Variants in P4HA2 observed in about 807,000 individuals in gnomAD.
P4HA2 encodes prolyl 4-hydroxylase subunit alpha 2.
P4HA2 carries 46 observed loss-of-function variants against 76.9 expected under a neutral mutation model. That is an observed-to-expected ratio of 0.60 (90% CI 0.47 to 0.76). The LOEUF (loss-of-function observed/expected upper bound fraction) is 0.76. Among genes scored for constraint, P4HA2 ranks in the 30% least tolerant of loss-of-function variants. The probability of loss-of-function intolerance (pLI) is 0.00; values close to 1 mark genes in which losing one functional copy is unlikely to be tolerated. For synonymous variants in P4HA2, 243 were observed against 254.0 expected (o/e 0.96, Z 0.41); for missense variants, 583 against 669.4 (o/e 0.87, Z 1.42).
chr5:132,217,661 T>C (rs1252919923), intron 3 of P4HA2, 91 bp downstream of exon 3: 5 of 855,944 alleles, frequency 5.8e-6, no homozygotes, highest in Non-Finnish European at 1.0e-5. Context: ...CTCAAAGGTT[T>C]CCTCTTATAG....
chr5:132,207,989 C>T, intron 7 of P4HA2, 105 bp from the exon 8 acceptor site: 1 of 819,554 alleles, frequency 1.2e-6, no homozygotes, highest in Non-Finnish European at 1.9e-6. Flanking sequence ...AGCAGCTGCT[C>T]CCTCCCACCA....
Position 132,194,990 on chromosome 5 carries a change from C to G in P4HA2, c.1467G>C (p.Arg489=). Residue 489 remains arginine, a synonymous_variant, in exon 14 of 15, where the codon CGG becomes CGC. Transcript: ENST00000360568. Reference sequence around the variant, plus strand: ...TTGTTCGGTAGTCACCTTCCCCGCTCCGCAAGAGGTTGTACCAGAACACAG... The same window carrying G: ...TTGTTCGGTAGTCACCTTCCCCGCTGCGCAAGAGGTTGTACCAGAACACAG... ...GTAVFWYNLL[R]SGEGDYRTRH... is the part of the protein sequence containing the mutation. 1 of 1,613,602 alleles carries G rather than the reference C, an allele frequency of 6.2e-7. No homozygotes were observed. The highest frequency in any genetic ancestry group is 8.5e-7 in the Non-Finnish European group (1 of 1,179,504).
At chr5:132,213,472 G>A (rs539605995) in intron 5 of P4HA2, among the ~76,000 whole-genome samples, 1 of 152,214 alleles carries the variant, frequency 6.6e-6, no homozygotes, top group Admixed American at 6.5e-5. Flanking sequence ...GCCTATATGG[G>A]AGCTCAAGGG....
At chr5:132,217,532 G>C in intron 3 of P4HA2, 184 bp from the exon 4 acceptor site, 3 of 646,730 alleles carry the variant, frequency 4.6e-6, no homozygotes, top group South Asian at 3.8e-5. Context: ...ATAACAGCTG[G>C]GACCCCCAAT....
chr5:132,212,624 C>T (rs1479767056), intron 5 of P4HA2, among the ~76,000 whole-genome samples: 1 of 152,196 alleles, frequency 6.6e-6, no homozygotes, highest in Non-Finnish European at 1.5e-5. Flanking sequence ...TCCGTCTACA[C>T]TGGTTAGAAG....
rs533175803 is a variant in P4HA2, at chr5:132,196,818, G to A, written c.1366-1338C>T. On this transcript the variant is annotated intron_variant, in intron 12 of 14. Transcript: ENST00000360568. The stretch of plus-strand genomic sequence containing the variant: ...AGAGTTTGCAGTAAGCTGAGATAGC[G>A]CCACTGCACTCCAGCCTGGGCAACA... Among the ~76,000 whole-genome samples the A allele has an allele frequency of 4.3e-5, 6 of 140,210 alleles. No individual in the cohort carries two copies. In the East Asian group the frequency reaches 8.3e-4, roughly 19 times the overall value. The allele number at this position is 140,210 out of a possible 152,430, so 92.0% of individuals were successfully genotyped here. A position where few individuals can be genotyped will look rare whatever the true frequency, so the allele number is the denominator to read the frequency against.
At chr5:132,217,876 T>A (rs200589228) in intron 2 of P4HA2, 28 bp from the exon 3 acceptor site, 3 of 1,402,022 alleles carry the variant, frequency 2.1e-6, no homozygotes, top group Admixed American at 1.8e-5. Flanking sequence ...AAGACACCAG[T>A]GAGAAACAGA....
At chr5:132,224,696 A>G (rs1406878054) in intron 1 of P4HA2, among the ~76,000 whole-genome samples, 1 of 146,764 alleles carries the variant, frequency 6.8e-6, no homozygotes, top group Admixed American at 7.0e-5. Flanking sequence ...CTCATCAAGC[A>G]ATGTTCTCTA....
intron 11 of P4HA2, 104 bp downstream of exon 11, chr5:132,198,775 G>T: frequency 1.2e-6 from 1 of 801,950 alleles, no homozygotes; most frequent in Non-Finnish European, 2.2e-6. Flanking sequence ...GGAGGACAAG[G>T]GGTGGGGGTA....
intron 12 of P4HA2, among the ~76,000 whole-genome samples, chr5:132,197,658 C>T (rs1027189405): frequency 7.7e-5 from 11 of 142,226 alleles, no homozygotes; most frequent in Admixed American, 3.5e-4. Context: ...GAATATGCTA[C>T]AACATGGATA....
intron 5 of P4HA2, among the ~76,000 whole-genome samples, chr5:132,211,653 C>T (rs1753109716): frequency 6.6e-6 from 1 of 152,190 alleles, no homozygotes; most frequent in Non-Finnish European, 1.5e-5. Context: ...TCCTTCTCCA[C>T]AGGTCTCCTC....
intron 10 of P4HA2, chr5:132,202,427 T>A (rs1375728061): frequency 1.3e-5 from 2 of 152,204 alleles, no homozygotes; most frequent in Non-Finnish European, 2.9e-5. Context: ...TGATCTTTAA[T>A]CAATATTCTA....
chr5:132,197,990 G>C, intron 12 of P4HA2: 1 of 985,146 alleles, frequency 1.0e-6, no homozygotes, highest in African/African-American at 1.7e-5. Flanking sequence ...GAAAAAAATA[G>C]GAGCCAGGAA....
chr5:132,217,425 A>G (rs1238822566), intron 3 of P4HA2, 77 bp from the exon 4 acceptor site: 1 of 1,445,836 alleles, frequency 6.9e-7, no homozygotes, highest in Non-Finnish European at 9.6e-7. Flanking sequence ...TCCTAGTGAG[A>G]ATTCCCTGGT....
intron 1 of P4HA2, among the ~76,000 whole-genome samples, chr5:132,225,270 T>A (rs987986215): frequency 7.2e-5 from 11 of 152,138 alleles, no homozygotes; most frequent in Non-Finnish European, 1.3e-4. Context: ...GCATCACAGC[T>A]TTTCCTGCCA....
At position 132,207,856 on chromosome 5, in the gene P4HA2, C is replaced by T; in HGVS notation, c.932G>A (p.Cys311Tyr). The change falls in exon 8 of 15, where the codon TGT (cysteine) becomes TAT (tyrosine). Residue 311 changes from cysteine to tyrosine, a missense_variant. Cys to Tyr is a radical substitution (Grantham distance 194). Transcript: ENST00000360568. ...LTPRRQKRLF[C>Y]RYHHGNRAPQ... is the part of the protein sequence containing the mutation. Reference sequence around the variant, plus strand: ...GGCCCTGTTGCCATGGTGGTACCTACAGAAAAGCCTCTTCTGTCTACGGGG... The same window carrying T: ...GGCCCTGTTGCCATGGTGGTACCTATAGAAAAGCCTCTTCTGTCTACGGGG... The T allele has an allele frequency of 6.3e-7, 1 of 1,595,486 alleles. No homozygotes were observed. The highest frequency in any genetic ancestry group is 1.1e-5 in the South Asian group (1 of 87,146).
chr5:132,206,482 T>G (rs1024578878), intron 8 of P4HA2, among the ~76,000 whole-genome samples: 1 of 152,174 alleles, frequency 6.6e-6, no homozygotes, highest in Non-Finnish European at 1.5e-5. Flanking sequence ...TCGGGCCTCC[T>G]GGTCACCTCG....
chr5:132,200,853 T>C (rs1751390448), intron 10 of P4HA2: 1 of 152,256 alleles, frequency 6.6e-6, no homozygotes, highest in Non-Finnish European at 1.5e-5. Context: ...AGAAGCTGCA[T>C]TGCGAGAGCT....
In P4HA2 at chr5:132,217,019, G is replaced by A. The variant is rs1580734155; in HGVS notation, c.331+178C>T. 2.0e-5 allele frequency among the ~76,000 whole-genome samples: 3 copies of A among 152,028 alleles called. No homozygotes were observed. The South Asian group carries it at 6.3e-4, about 32-fold the overall frequency. ...ACATCATTACATGTTAAAAACCAAG[G>A]CCAGCCAACTTCCAGGTCCCCACAG... On this transcript the variant is annotated intron_variant, in intron 4 of 14. Transcript: ENST00000360568.
Sources: allele counts gnomAD v4.1 joint callset (sites outside exome capture counted in the v4.1 genomes callset), GRCh38; gene constraint gnomAD v4.1.1; transcripts MANE v1.5; gene names NCBI Gene and HGNC (gene_info 2026-07-23, HGNC 2026-07-21).